ARHGAP24: variants seen among roughly 807,000 people sequenced by gnomAD.
ARHGAP24 encodes the protein rho GTPase-activating protein 24.
Under a neutral mutation model 76.4 loss-of-function variants are expected in ARHGAP24, and 50 were observed. The ratio of observed to expected loss-of-function variants is 0.65; its 90% CI spans 0.52 to 0.83. ARHGAP24 has a LOEUF of 0.83. ARHGAP24 is among the 40% of genes least tolerant of loss of function. The pLI, the probability that ARHGAP24 is intolerant of heterozygous loss-of-function variation, is 0.00. For synonymous variants in ARHGAP24, 345 were observed against 323.3 expected (o/e 1.07, Z -0.72); for missense variants, 930 against 914.2 (o/e 1.02, Z -0.22).
chr4:85,827,977 T>TGA, intron 3 of ARHGAP24: 1 of 1,289,696 alleles, frequency 7.8e-7, no homozygotes, highest in South Asian at 1.2e-5. Context: ...TTGTGCAAGG[T>TGA]GAGAGCTGGG....
intron 3 of ARHGAP24, among the ~76,000 whole-genome samples, chr4:85,835,254 TA>T (rs751784586): frequency 1.3e-3 from 185 of 143,300 alleles, no homozygotes; most frequent in Admixed American, 1.2e-3. Context: ...CAATGTAATT[TA>T]AAAAAAAAAA....
intron 2 of ARHGAP24, among the ~76,000 whole-genome samples, chr4:85,642,319 TA>T (rs1721553107): frequency 6.6e-6 from 1 of 152,108 alleles, no homozygotes; most frequent in Non-Finnish European, 1.5e-5. Flanking sequence ...GGCAGATACA[TA>T]AATATATATA....
intron 2 of ARHGAP24, among the ~76,000 whole-genome samples, chr4:85,588,113 T>A (rs1048755528): frequency 1.3e-5 from 2 of 152,202 alleles, no homozygotes; most frequent in African/African-American, 4.8e-5. Flanking sequence ...GGTAACCTCA[T>A]CACCAAGGGA....
Position 86,000,858 on chromosome 4 carries a change from T to C in ARHGAP24, c.*136T>C. 7.6e-7 allele frequency: 1 copy of C among 1,316,138 alleles called. No individual in the cohort carries two copies. Among genetic ancestry groups the C allele is most frequent in the Admixed American group, 2.2e-5 (1 of 46,128 alleles). 81.5% of individuals were successfully genotyped at this position (1,316,138 alleles called of 1,614,324 possible). A position where few individuals can be genotyped will look rare whatever the true frequency, so the allele number is the denominator to read the frequency against. On this transcript the variant is annotated 3_prime_UTR_variant, in exon 10 of 10. Coordinates refer to ENST00000395184, the MANE Select transcript of ARHGAP24 (RefSeq NM_001025616.3). ...GGTGAAGGAATATCATTTACAGACA[T>C]TAAACATCCATATCTGCAATGTGTA...
At chr4:85,833,823 A>G (rs1339373188) in intron 3 of ARHGAP24, among the ~76,000 whole-genome samples, 1 of 152,210 alleles carries the variant, frequency 6.6e-6, no homozygotes. Flanking sequence ...CTTTCAAGTA[A>G]GGTATTTATA....
intron 1 of ARHGAP24, among the ~76,000 whole-genome samples, chr4:85,497,556 T>C (rs1462959752): frequency 2.0e-5 from 3 of 152,100 alleles, no homozygotes; most frequent in Non-Finnish European, 2.9e-5. Context: ...GCACAGTGGC[T>C]CATGCCTGTA....
At chr4:85,770,824 C>T (rs752667391) in intron 3 of ARHGAP24, among the ~76,000 whole-genome samples, 2 of 152,214 alleles carry the variant, frequency 1.3e-5, no homozygotes, top group Non-Finnish European at 2.9e-5. Flanking sequence ...TGCCCATCCT[C>T]ACCTTGGCCT....
At chr4:85,683,109 T>TGTG (rs1553922558) in intron 2 of ARHGAP24, among the ~76,000 whole-genome samples, 1 of 17,482 alleles carries the variant, frequency 5.7e-5, no homozygotes, top group Admixed American at 6.6e-4. Flanking sequence ...TCTCAGTGTG[T>TGTG]GGGGGGGTGG....
chr4:85,516,937 G>A (rs1380305810), intron 1 of ARHGAP24, among the ~76,000 whole-genome samples: 2 of 152,000 alleles, frequency 1.3e-5, no homozygotes, highest in African/African-American at 4.8e-5. Context: ...TTCATTTGTA[G>A]TTTACTCTGG....
chr4:85,851,076 G>A (rs886083196), intron 3 of ARHGAP24, among the ~76,000 whole-genome samples: 7 of 152,056 alleles, frequency 4.6e-5, no homozygotes, highest in African/African-American at 1.2e-4. Flanking sequence ...ATTATTGTGC[G>A]GGAGTCTAAG....
intron 3 of ARHGAP24, among the ~76,000 whole-genome samples, chr4:85,746,314 CTTCTT>C (rs1167621762): frequency 6.6e-6 from 1 of 152,176 alleles, no homozygotes. Flanking sequence ...TGCAGCCCTC[CTTCTT>C]TTGAGTATCT....
At chr4:85,614,771 C>A (rs1287175224) in intron 2 of ARHGAP24, among the ~76,000 whole-genome samples, 1 of 151,948 alleles carries the variant, frequency 6.6e-6, no homozygotes, top group African/African-American at 2.4e-5. Context: ...ACTTAAATAT[C>A]ACATTAATTC....
chr4:85,531,226 A>G (rs775812343), intron 1 of ARHGAP24, among the ~76,000 whole-genome samples: 2 of 152,050 alleles, frequency 1.3e-5, no homozygotes, highest in Non-Finnish European at 2.9e-5. Context: ...ATGTACATCA[A>G]CTTATGGGAG....
chr4:85,707,688 A>G (rs571323316), intron 2 of ARHGAP24, among the ~76,000 whole-genome samples: 1 of 152,140 alleles, frequency 6.6e-6, no homozygotes, highest in Non-Finnish European at 1.5e-5. Flanking sequence ...ATTTTCTTGA[A>G]AAAAGGAATG....
chr4:85,734,683 C>T (rs1039831540), intron 3 of ARHGAP24, among the ~76,000 whole-genome samples: 10 of 125,030 alleles, frequency 8.0e-5, no homozygotes, highest in African/African-American at 3.0e-4. Context: ...TTGTCCTTCT[C>T]ATGACTCATT....
At chr4:85,830,650 T>C (rs1201666785) in intron 3 of ARHGAP24, among the ~76,000 whole-genome samples, 1 of 152,222 alleles carries the variant, frequency 6.6e-6, no homozygotes, top group Admixed American at 6.5e-5. Flanking sequence ...TCAGATAATA[T>C]AATGGGCACT....
chr4:85,883,937 G>C (rs552929056), intron 3 of ARHGAP24, among the ~76,000 whole-genome samples: 1 of 152,192 alleles, frequency 6.6e-6, no homozygotes, highest in Non-Finnish European at 1.5e-5. Flanking sequence ...TATCTATAAA[G>C]TAGAGATTTA....
chr4:85,666,646 A>G (rs1342204436), intron 2 of ARHGAP24, among the ~76,000 whole-genome samples: 3 of 151,882 alleles, frequency 2.0e-5, no homozygotes, highest in African/African-American at 7.3e-5. Flanking sequence ...TTGGTCTTTG[A>G]TGATGGTGAT....
intron 5 of ARHGAP24, among the ~76,000 whole-genome samples, chr4:85,965,871 A>T (rs1449541305): frequency 2.0e-5 from 3 of 152,164 alleles, no homozygotes; most frequent in Non-Finnish European, 4.4e-5. Context: ...TTGCAATAAC[A>T]TTTCATTACC....
Sources: allele counts gnomAD v4.1 joint callset (sites outside exome capture counted in the v4.1 genomes callset), GRCh38; gene constraint gnomAD v4.1.1; transcripts MANE v1.5; gene names NCBI Gene and HGNC (gene_info 2026-07-23, HGNC 2026-07-21).